NELL1: variants seen among roughly 807,000 people sequenced by gnomAD.
NELL1 encodes the protein protein kinase C-binding protein NELL1.
Under a neutral mutation model 107.4 loss-of-function variants are expected in NELL1, and 76 were observed. The ratio of observed to expected loss-of-function variants is 0.71; its 90% confidence interval spans 0.59 to 0.86. The LOEUF is 0.86. Ranked by LOEUF, NELL1 falls within the 40% of genes least tolerant of loss-of-function variation. The pLI is 0.00. For synonymous variants in NELL1, 353 were observed against 341.2 expected, an observed-to-expected ratio of 1.03 and a Z score of -0.38; for missense variants, 1,024 against 1,005.5, an observed-to-expected ratio of 1.02 and a Z score of -0.25.
intron 2 of NELL1, among the ~76,000 whole-genome samples, chr11:20,682,635 A>C (rs1001158983): frequency 4.5e-4 from 69 of 152,194 alleles, no homozygotes; most frequent in African/African-American, 1.6e-3. Context: ...ACAACTTGGT[A>C]ATTTTAATAT....
chr11:21,276,187 G>A (rs1237642677), intron 14 of NELL1, among the ~76,000 whole-genome samples: 2 of 152,088 alleles, frequency 1.3e-5, no homozygotes, highest in Admixed American at 6.6e-5. Context: ...TAAGCTGATA[G>A]GCAACTTCAG....
chr11:20,951,167 TGA>T, intron 11 of NELL1, among the ~76,000 whole-genome samples: 5 of 152,374 alleles, frequency 3.3e-5, no homozygotes, highest in Admixed American at 3.3e-4. Context: ...GTCATGTTAA[TGA>T]ATGAATGACA....
At chr11:20,701,858 A>T (rs1423562730) in intron 2 of NELL1, among the ~76,000 whole-genome samples, 8 of 151,998 alleles carry the variant, frequency 5.3e-5, no homozygotes, top group Non-Finnish European at 1.2e-4. Flanking sequence ...GTTCTGTTCC[A>T]TTGGTCTATA....
chr11:21,341,075 C>A (rs574227124), intron 14 of NELL1, among the ~76,000 whole-genome samples: 2 of 152,186 alleles, frequency 1.3e-5, no homozygotes, highest in East Asian at 3.9e-4. Context: ...GCTAATATAG[C>A]CTTTATTCCT....
chr11:21,489,379 T>A (rs1854730341), intron 15 of NELL1, among the ~76,000 whole-genome samples: 2 of 15,814 alleles, frequency 1.3e-4, no homozygotes, highest in Admixed American at 1.7e-3. Context: ...TGAAAGTATT[T>A]CAAAAAAAAA....
intron 3 of NELL1, among the ~76,000 whole-genome samples, chr11:20,790,494 G>C (rs1045720930): frequency 2.0e-4 from 31 of 152,206 alleles, no homozygotes; most frequent in Admixed American, 6.5e-4. Context: ...AGTGCAGTGG[G>C]GTCCTTCCCA....
At chr11:21,099,585 G>T (rs1854753200) in intron 12 of NELL1, among the ~76,000 whole-genome samples, 1 of 152,126 alleles carries the variant, frequency 6.6e-6, no homozygotes, top group South Asian at 2.1e-4. Flanking sequence ...AAAAATGAGA[G>T]GCAGCAGCTT....
At chr11:21,528,691 G>C (rs1439968489) in intron 15 of NELL1, among the ~76,000 whole-genome samples, 1 of 151,968 alleles carries the variant, frequency 6.6e-6, no homozygotes, top group African/African-American at 2.4e-5. Flanking sequence ...GACTAAGACA[G>C]TTATGTTATC....
chr11:20,930,207 A>T (rs1462143395), intron 9 of NELL1, among the ~76,000 whole-genome samples: 2 of 152,152 alleles, frequency 1.3e-5, no homozygotes, highest in Non-Finnish European at 2.9e-5. Flanking sequence ...ACAGAGAATC[A>T]TAAAGATCAA....
intron 14 of NELL1, among the ~76,000 whole-genome samples, chr11:21,254,916 A>G (rs1858731188): frequency 6.6e-6 from 1 of 152,124 alleles, no homozygotes; most frequent in African/African-American, 2.4e-5. Context: ...TCAAACACTC[A>G]TTGAATTGCC....
rs1288028582 is a variant in NELL1 at position 20,970,053 on chromosome 11, G to GTCCGTCCA, written c.1300+9496_1300+9497insGTCCATCC. On this transcript the variant is annotated intron_variant, in intron 12 of 19. Coordinates refer to ENST00000357134, the MANE Select transcript of NELL1 (RefSeq NM_006157.5). ...ATATAAATATCTAATCTATCTCTCT[G>GTCCGTCCA]TCCATCCATCCATCCATCCATCCAT... Among the ~76,000 whole-genome samples the GTCCGTCCA allele has an allele frequency of 6.1e-3, 773 of 126,046 alleles. 9 individuals carry two copies. Among genetic ancestry groups the GTCCGTCCA allele is most frequent in the African/African-American group, 0.025 (731 of 29,230 alleles). 82.7% of individuals were successfully genotyped at this position (126,046 alleles called of 152,430 possible).
intron 12 of NELL1, among the ~76,000 whole-genome samples, chr11:21,082,839 A>T (rs1408886203): frequency 6.6e-6 from 1 of 152,224 alleles, no homozygotes; most frequent in Non-Finnish European, 1.5e-5. Flanking sequence ...GTCTGCATTT[A>T]AAAATCCTTA....
chr11:21,196,363 G>A (rs1857151909), intron 13 of NELL1, among the ~76,000 whole-genome samples: 1 of 152,068 alleles, frequency 6.6e-6, no homozygotes, highest in Non-Finnish European at 1.5e-5. Context: ...GGCCACCTTG[G>A]AGATACCATT....
At chr11:20,768,178 C>A (rs548869870) in intron 2 of NELL1, among the ~76,000 whole-genome samples, 40 of 152,116 alleles carry the variant, frequency 2.6e-4, no homozygotes, top group Non-Finnish European at 4.9e-4. Context: ...ATCCTTATAA[C>A]AATTGTGCAA....
intron 14 of NELL1, among the ~76,000 whole-genome samples, chr11:21,277,788 C>G (rs1349037530): frequency 3.9e-5 from 6 of 152,158 alleles, no homozygotes; most frequent in Non-Finnish European, 7.3e-5. Flanking sequence ...CCTCAGCAAA[C>G]TGTTGCAAGG....
At chr11:20,984,645 C>A (rs1259924110) in intron 12 of NELL1, among the ~76,000 whole-genome samples, 1 of 151,812 alleles carries the variant, frequency 6.6e-6, no homozygotes, top group Non-Finnish European at 1.5e-5. Context: ...TTTAACCTGG[C>A]CGGGCATCTG....
At chr11:21,529,967 T>G (rs1855954414) in intron 15 of NELL1, among the ~76,000 whole-genome samples, 2 of 152,180 alleles carry the variant, frequency 1.3e-5, no homozygotes, top group Admixed American at 1.3e-4. Flanking sequence ...AAGTCTATAT[T>G]TATAACAACA....
chr11:21,483,808 G>A (rs1854551088), intron 15 of NELL1, among the ~76,000 whole-genome samples: 1 of 147,952 alleles, frequency 6.8e-6, no homozygotes, highest in South Asian at 2.1e-4. Flanking sequence ...AATATTGTGT[G>A]GTTATTATAC....
chr11:21,286,447 G>T (rs139217703), intron 14 of NELL1, among the ~76,000 whole-genome samples: 1 of 152,150 alleles, frequency 6.6e-6, no homozygotes, highest in Non-Finnish European at 1.5e-5. Flanking sequence ...TTCAAGTGGA[G>T]CAAGGGGCGG....
Sources: allele counts gnomAD v4.1 joint callset (sites outside exome capture counted in the v4.1 genomes callset), GRCh38; gene constraint gnomAD v4.1.1; transcripts MANE v1.5; gene names NCBI Gene and HGNC (gene_info 2026-07-23, HGNC 2026-07-21).